The following PACRGL variants were observed in gnomAD, a reference collection of about 807,000 sequenced individuals.
PACRGL encodes PACRG-like protein.
A neutral mutation model predicts 34.5 loss-of-function variants in PACRGL; 38 were observed. That is an observed-to-expected ratio of 1.10 (90% CI 0.85 to 1.44). The LOEUF (loss-of-function observed/expected upper bound fraction) is 1.44. PACRGL is among the 40% of genes most tolerant of loss of function. The pLI, the probability that PACRGL is intolerant of heterozygous loss-of-function variation, is 0.00. For synonymous variants in PACRGL, 128 were observed against 100.1 expected (o/e 1.28, Z -1.66); for missense variants, 305 against 281.4 (o/e 1.08, Z -0.60).
chr4:20,744,067 C>T (rs1028203707), intron 8 of PACRGL, among the ~76,000 whole-genome samples: 7 of 152,114 alleles, frequency 4.6e-5, no homozygotes, highest in African/African-American at 1.7e-4. Context: ...AATGAGATAC[C>T]ATCTCACACC....
intron 8 of PACRGL, among the ~76,000 whole-genome samples, chr4:20,746,766 T>G (rs181880626): frequency 6.6e-6 from 1 of 152,242 alleles, no homozygotes; most frequent in Admixed American, 6.5e-5. Flanking sequence ...TTAGATCCCA[T>G]CATACCAAAT....
At chr4:20,702,255 G>C (rs1212672622) in intron 1 of PACRGL, 1 of 455,768 alleles carries the variant, frequency 2.2e-6, no homozygotes, top group Non-Finnish European at 4.4e-6. Flanking sequence ...ATCATAATTT[G>C]ATATGGCTGC....
the PACRGL span, among the ~76,000 whole-genome samples, chr4:20,761,546 A>G: frequency 2.6e-5 from 4 of 152,146 alleles, no homozygotes; most frequent in Non-Finnish European, 5.9e-5. Context: ...TAGTAAGGAG[A>G]GAGTAAATAC....
At chr4:20,712,710 G>A in intron 5 of PACRGL, 78 bp from the exon 6 acceptor site, 1 of 1,249,576 alleles carries the variant, frequency 8.0e-7, no homozygotes, top group Non-Finnish European at 1.0e-6. Context: ...TTTTGTTTAA[G>A]CAAGTAAAGA....
intron 5 of PACRGL, among the ~76,000 whole-genome samples, chr4:20,712,224 G>A (rs573430271): frequency 7.0e-6 from 1 of 142,482 alleles, no homozygotes; most frequent in South Asian, 2.3e-4. Context: ...TGCCTCCCCT[G>A]TTTTCCATTT....
intron 8 of PACRGL, among the ~76,000 whole-genome samples, chr4:20,737,973 G>C (rs1750063451): frequency 6.6e-6 from 1 of 151,918 alleles, no homozygotes; most frequent in African/African-American, 2.4e-5. Flanking sequence ...TTAACAGCAA[G>C]AAAAACAAAT....
At chr4:20,696,911 C>G (rs1042255624), upstream of PACRGL, among the ~76,000 whole-genome samples, 1 of 152,114 alleles carries the variant, frequency 6.6e-6, no homozygotes, top group Non-Finnish European at 1.5e-5. Context: ...ATATTTATTC[C>G]AAGTTGAAGT....
intron 7 of PACRGL, among the ~76,000 whole-genome samples, chr4:20,723,443 G>T (rs10007533): frequency 0.91 from 136,869 of 150,914 alleles, 62,177 homozygotes; most frequent in African/African-American, 0.97. Flanking sequence ...TTTTGTTTTT[G>T]TTTTTGCAGG....
At chr4:20,726,403 C>G (rs1745654464) in intron 8 of PACRGL, among the ~76,000 whole-genome samples, 1 of 152,056 alleles carries the variant, frequency 6.6e-6, no homozygotes, top group Admixed American at 6.6e-5. Context: ...CTTGTTTCCT[C>G]CTTCTTATAT....
intron 7 of PACRGL, 22 bp from the exon 8 acceptor site, chr4:20,724,785 TC>T (rs925647520): frequency 1.1e-4 from 143 of 1,361,864 alleles, no homozygotes; most frequent in Non-Finnish European, 1.3e-4. Flanking sequence ...TCATTTCGTT[TC>T]CCCCTAATCT....
At chr4:20,754,590 C>G (rs1242269573), downstream of PACRGL, among the ~76,000 whole-genome samples, 1 of 152,146 alleles carries the variant, frequency 6.6e-6, no homozygotes, top group Non-Finnish European at 1.5e-5. Flanking sequence ...AATCATAATT[C>G]TTTAAAATAT....
intron 7 of PACRGL, among the ~76,000 whole-genome samples, chr4:20,720,777 C>T (rs548851065): frequency 4.6e-5 from 7 of 152,116 alleles, no homozygotes; most frequent in African/African-American, 1.7e-4. Context: ...TCATTTCAAC[C>T]TTGGTGAATC....
chr4:20,759,900 T>G, the PACRGL span, among the ~76,000 whole-genome samples: 1 of 152,224 alleles, frequency 6.6e-6, no homozygotes, highest in Middle Eastern at 3.4e-3. Context: ...GGGGCATTGC[T>G]TCCAGGACCA....
At chr4:20,767,266 T>A in the PACRGL span, 11 of 151,638 alleles carry the variant, frequency 7.3e-5, no homozygotes, top group East Asian at 2.0e-3. Flanking sequence ...AATCACTCTA[T>A]CTAATATCAT....
Position 20,730,060 on chromosome 4 carries a change from G to T in PACRGL, c.*2719G>T, listed in dbSNP as rs762698250. 2 of 1,602,340 alleles carry T rather than the reference G, an allele frequency of 1.2e-6. No homozygotes were observed. Among genetic ancestry groups the T allele is most frequent in the Non-Finnish European group, 1.7e-6 (2 of 1,175,896 alleles). Reference sequence around the variant, plus strand: ...TAGAATAGTTCACATTTGTCTGTTGGATTCAGGATCTATTTGACAAGTTAA... The same window carrying T: ...TAGAATAGTTCACATTTGTCTGTTGTATTCAGGATCTATTTGACAAGTTAA... On this transcript the variant is annotated 3_prime_UTR_variant, in exon 9 of 9. Coordinates refer to ENST00000503585, the MANE Select transcript of PACRGL (RefSeq NM_001258345.3).
the PACRGL span, among the ~76,000 whole-genome samples, chr4:20,762,459 A>T: frequency 2.0e-5 from 3 of 152,344 alleles, no homozygotes; most frequent in South Asian, 6.2e-4. Context: ...GAGATTTTTT[A>T]TTGAAACTAG....
rs750626604 is a variant in PACRGL at position 20,729,930 on chromosome 4, T to C, written c.*2589T>C. 50 of 838,098 alleles carry C rather than the reference T, an allele frequency of 6.0e-5. No individual in the cohort carries two copies. The highest frequency in any genetic ancestry group is 8.1e-5 in the Non-Finnish European group (48 of 589,582). The allele number at this position is 838,098 out of a possible 1,614,324, so 51.9% of individuals were successfully genotyped here. A position where few individuals can be genotyped will look rare whatever the true frequency, so the allele number is the denominator to read the frequency against. ...AAATTTATAACTGAAAGCTCAAATC[T>C]TTTGGGGATTGCTTTATATTAAAAC... On this transcript the variant is annotated 3_prime_UTR_variant, in exon 9 of 9. Coordinates refer to ENST00000503585, the MANE Select transcript of PACRGL (RefSeq NM_001258345.3).
intron 3 of PACRGL, among the ~76,000 whole-genome samples, chr4:20,707,289 A>T (rs1314897836): frequency 6.6e-6 from 1 of 152,218 alleles, no homozygotes; most frequent in Non-Finnish European, 1.5e-5. Flanking sequence ...TTATGAAGTT[A>T]TATATCTAAG....
upstream of PACRGL, among the ~76,000 whole-genome samples, chr4:20,698,289 C>T (rs1378556340): frequency 1.3e-5 from 2 of 152,112 alleles, no homozygotes; most frequent in African/African-American, 4.8e-5. Flanking sequence ...TATTGCTAGG[C>T]AAATAGGTCA....
Sources: allele counts gnomAD v4.1 joint callset (sites outside exome capture counted in the v4.1 genomes callset), GRCh38; gene constraint gnomAD v4.1.1; transcripts MANE v1.5; gene names NCBI Gene and HGNC (gene_info 2026-07-23, HGNC 2026-07-21).